DNAH5: variants seen among roughly 807,000 people sequenced by gnomAD.
The protein encoded by DNAH5 is dynein axonemal heavy chain 5.
Under a neutral mutation model 518.2 loss-of-function variants are expected in DNAH5, and 372 were observed. The observed-to-expected ratio is 0.72, with a 90% CI of 0.66 to 0.78. The LOEUF is 0.78. Among genes scored for constraint, DNAH5 ranks in the 30% least tolerant of loss-of-function variants. DNAH5 has a pLI of 0.00. For synonymous variants in DNAH5, 2,039 were observed against 2,025.9 expected, an observed-to-expected ratio of 1.01 and a Z score of -0.17; for missense variants, 5,523 against 5,687.0, an observed-to-expected ratio of 0.97 and a Z score of 0.93.
At chr5:13,911,327 A>G (rs571938373) in intron 12 of DNAH5, 59 bp downstream of exon 12, 216 of 1,363,908 alleles carry the variant, frequency 1.6e-4, no homozygotes, top group Non-Finnish European at 2.1e-4. Context: ...TAACGGCATT[A>G]TACAGAAAGG....
At chr5:13,754,610 C>T (rs1750722746) in intron 61 of DNAH5, among the ~76,000 whole-genome samples, 1 of 152,090 alleles carries the variant, frequency 6.6e-6, no homozygotes, top group Non-Finnish European at 1.5e-5. Flanking sequence ...ATGACCTTAG[C>T]TCACTGCAAC....
chr5:14,009,087 T>C (rs1581168220), intron 1 of DNAH5, among the ~76,000 whole-genome samples: 1 of 152,374 alleles, frequency 6.6e-6, no homozygotes, highest in East Asian at 1.9e-4. Context: ...CGGTTTTTAT[T>C]CATAAACAAA....
rs755597752 is a variant in DNAH5 at position 13,717,405 on chromosome 5, C to T, written c.12615G>A (p.Gly4205=). Residue 4205 remains glycine (G), a synonymous_variant, in exon 73 of 79, where the codon GGG becomes GGA. Transcript: ENST00000265104. ...VQERRKFGAL[G]WNIPYEFNQA... The stretch of plus-strand genomic sequence containing the variant: ...GGTTAAATTCGTAGGGGATATTCCA[C>T]CCCAGGGCACCGAACTTGCGCCTCT... 3.1e-6 allele frequency: 5 copies of T among 1,613,982 alleles called. No individual in the cohort carries two copies. The highest frequency in any genetic ancestry group is 1.7e-5 in the Admixed American group (1 of 60,000).
intron 2 of DNAH5, 82 bp downstream of exon 2, chr5:13,931,028 A>C: frequency 1.2e-6 from 2 of 1,605,872 alleles, no homozygotes; most frequent in South Asian, 2.2e-5. Context: ...TGGGCACAGC[A>C]TGGGATCCTG....
intron 1 of DNAH5, among the ~76,000 whole-genome samples, chr5:13,976,710 T>TATATATATAC (rs780402172): frequency 0.016 from 2,139 of 132,726 alleles, 23 homozygotes; most frequent in South Asian, 0.031. Flanking sequence ...TATATATATA[T>TATATATATAC]ACACACACAC....
At chr5:13,709,400 TAA>T (rs888993009) in intron 75 of DNAH5, among the ~76,000 whole-genome samples, 1 of 150,436 alleles carries the variant, frequency 6.6e-6, no homozygotes. Flanking sequence ...TTTTGTAATT[TAA>T]AAAAAAAAAT....
chr5:13,995,371 C>T (rs1320479774), intron 1 of DNAH5, among the ~76,000 whole-genome samples: 1 of 152,116 alleles, frequency 6.6e-6, no homozygotes, highest in Non-Finnish European at 1.5e-5. Context: ...ATCCTTGTAT[C>T]CTCTTTCTCC....
At chr5:14,009,814 T>C (rs429898) in intron 1 of DNAH5, among the ~76,000 whole-genome samples, 63,091 of 152,068 alleles carry the variant, frequency 0.41, 14,220 homozygotes, top group East Asian at 0.81. Flanking sequence ...AAGATGTGCC[T>C]GAGTGAACAG....
intron 65 of DNAH5, among the ~76,000 whole-genome samples, chr5:13,749,073 G>T (rs945739527): frequency 2.0e-5 from 3 of 151,934 alleles, no homozygotes; most frequent in Non-Finnish European, 4.4e-5. Context: ...AAGTGAAGAA[G>T]CTGCAAAAGT....
At position 13,891,018 on chromosome 5, in the gene DNAH5, C is replaced by T. The variant is rs757277607; in HGVS notation, c.2535G>A (p.Gln845=). Residue 845 remains glutamine, a synonymous_variant, in exon 17 of 79, where the codon CAG becomes CAA. Coordinates refer to ENST00000265104, the MANE Select transcript of DNAH5 (RefSeq NM_001369.3). The stretch of plus-strand genomic sequence containing the variant: ...ACTCTTCACAGGTTAGTGGCTCCTC[C>T]TGGGGAAGCTGACAAAGAGGCGTGC... The part of the protein sequence containing the change: ...MSSTPLCQLP[Q]EEPLTCEEFL... The T allele has an allele frequency of 6.2e-7, 1 of 1,614,044 alleles. No individual in the cohort carries two copies. The highest frequency in any genetic ancestry group is 8.5e-7 in the Non-Finnish European group (1 of 1,180,022).
intron 12 of DNAH5, among the ~76,000 whole-genome samples, chr5:13,908,900 G>T (rs903639443): frequency 9.9e-5 from 15 of 152,174 alleles, no homozygotes; most frequent in Admixed American, 5.2e-4. Flanking sequence ...ACTCCATTCA[G>T]AGTCGTGGGA....
intron 41 of DNAH5, among the ~76,000 whole-genome samples, chr5:13,818,870 C>T (rs1374076291): frequency 1.3e-5 from 2 of 152,168 alleles, no homozygotes; most frequent in Non-Finnish European, 2.9e-5. Flanking sequence ...ATCTTCTCAA[C>T]CTTTTGGATT....
intron 70 of DNAH5, among the ~76,000 whole-genome samples, chr5:13,726,515 A>C (rs191192903): frequency 6.6e-6 from 1 of 152,390 alleles, no homozygotes; most frequent in East Asian, 1.9e-4. Context: ...AAAGATAAGA[A>C]AGAGACTACT....
intron 66 of DNAH5, among the ~76,000 whole-genome samples, chr5:13,737,022 C>G (rs1167134273): frequency 6.6e-6 from 1 of 152,102 alleles, no homozygotes; most frequent in East Asian, 1.9e-4. Flanking sequence ...TTCATGAGAA[C>G]CTTAAAGGAT....
intron 17 of DNAH5, among the ~76,000 whole-genome samples, chr5:13,890,687 A>T (rs1773099685): frequency 6.6e-6 from 1 of 152,348 alleles, no homozygotes; most frequent in Non-Finnish European, 1.5e-5. Context: ...CACTTCTGCA[A>T]GATAGCTCTA....
At chr5:13,705,229 T>C (rs10045044) in intron 76 of DNAH5, among the ~76,000 whole-genome samples, 71,308 of 151,890 alleles carry the variant, frequency 0.47, 17,435 homozygotes, top group African/African-American at 0.62. Flanking sequence ...CTCCTGACCT[T>C]GTGATCCGCC....
At chr5:13,720,519 C>G (rs1208301719) in intron 71 of DNAH5, among the ~76,000 whole-genome samples, 3 of 152,136 alleles carry the variant, frequency 2.0e-5, no homozygotes, top group African/African-American at 7.2e-5. Flanking sequence ...AGTAGATGGG[C>G]CCACAGGCAC....
At chr5:14,006,151 T>G (rs1173160028) in intron 1 of DNAH5, among the ~76,000 whole-genome samples, 1 of 152,174 alleles carries the variant, frequency 6.6e-6, no homozygotes, top group Non-Finnish European at 1.5e-5. Flanking sequence ...AGACCTTCGC[T>G]CTGAATGACT....
chr5:13,875,554 A>AT (rs1010858042), intron 22 of DNAH5, among the ~76,000 whole-genome samples: 8 of 150,942 alleles, frequency 5.3e-5, no homozygotes, highest in Admixed American at 1.3e-4. Flanking sequence ...TTAGATTTTC[A>AT]TAATAGTGGT....
Sources: gnomAD v4.1 joint callset for allele counts (sites outside exome capture counted in the v4.1 genomes callset) on GRCh38, gnomAD v4.1.1 for gene constraint, MANE v1.5 for transcripts, NCBI Gene and HGNC (gene_info 2026-07-23, HGNC 2026-07-21) for gene names.